The following KCNIP1 variants were observed in gnomAD, a reference collection of about 807,000 sequenced individuals.
The protein encoded by KCNIP1 is potassium voltage-gated channel interacting protein 1.
KCNIP1 carries 18 observed loss-of-function variants against 33.0 expected under a neutral mutation model. That is an observed-to-expected ratio of 0.55 (90% CI 0.38 to 0.81). The LOEUF (loss-of-function observed/expected upper bound fraction) is 0.81, where lower values mean the gene tolerates loss of function less well. KCNIP1 is among the 30% of genes least tolerant of loss of function. The pLI, the probability that KCNIP1 is intolerant of heterozygous loss-of-function variation, is 0.00. For missense variants in KCNIP1, 238 were observed against 271.6 expected (o/e 0.88, Z 0.87); for synonymous variants, 93 against 98.3 (o/e 0.95, Z 0.32).
chr5:170,547,137 T>C lies in KCNIP1; in HGVS notation c.61+42504T>C, dbSNP rs182745246. On this transcript the variant is annotated intron_variant, in intron 1 of 7. Transcript: ENST00000328939. ...GACAGATGTTAGCCTAATTGCTATT[T>C]ATTTGTAGATGGTCTAACTTTTCTC... is the stretch of plus-strand genomic sequence containing the variant. 1.6e-3 allele frequency among the ~76,000 whole-genome samples: 242 copies of C among 152,342 alleles called. 1 individual carries two copies. Among genetic ancestry groups the C allele is most frequent in the African/African-American group, 5.5e-3 (227 of 41,584 alleles).
At chr5:170,638,539 T>C (rs1354875475) in intron 1 of KCNIP1, among the ~76,000 whole-genome samples, 2 of 152,200 alleles carry the variant, frequency 1.3e-5, no homozygotes, top group Admixed American at 1.3e-4. Flanking sequence ...CCATTCTGAG[T>C]GGCAGTCTCT....
intron 1 of KCNIP1, among the ~76,000 whole-genome samples, chr5:170,491,241 A>G (rs958622696): frequency 2.6e-5 from 4 of 152,248 alleles, no homozygotes; most frequent in Non-Finnish European, 2.9e-5. Flanking sequence ...TGCAGTGAAT[A>G]TCAATGGTAG....
At chr5:170,607,456 C>A (rs1385080164) in intron 1 of KCNIP1, among the ~76,000 whole-genome samples, 4 of 152,188 alleles carry the variant, frequency 2.6e-5, no homozygotes, top group African/African-American at 4.8e-5. Context: ...GCCTTTCCTA[C>A]TTCTACAGTG....
chr5:170,451,410 T>C (rs1756248138), intron 1 of KCNIP1, among the ~76,000 whole-genome samples: 1 of 152,086 alleles, frequency 6.6e-6, no homozygotes, highest in African/African-American at 2.4e-5. Context: ...CCCATCCTTT[T>C]GTAAGTTCTT....
Position 170,728,178 on chromosome 5 carries a change from A to G in KCNIP1, c.436-4622A>G, listed in dbSNP as rs1764071844. ...ATACTTCTTCAGCATAATAGAAAAT[A>G]CCCCAGCCTGGTACACAGCTTCATA... On this transcript the variant is annotated intron_variant, in intron 5 of 7. Transcript: ENST00000328939. Among the ~76,000 whole-genome samples, 3 of 152,322 alleles carry G rather than the reference A, an allele frequency of 2.0e-5. No homozygotes were observed. In the South Asian group the frequency reaches 6.2e-4, roughly 32 times the overall value.
At chr5:170,514,660 T>G (rs1755059747) in intron 1 of KCNIP1, among the ~76,000 whole-genome samples, 1 of 152,250 alleles carries the variant, frequency 6.6e-6, no homozygotes, top group African/African-American at 2.4e-5. Context: ...TGAAATAAAA[T>G]GTGCTTTCAA....
chr5:170,459,724 C>A (rs1451596856), intron 1 of KCNIP1, among the ~76,000 whole-genome samples: 1 of 152,090 alleles, frequency 6.6e-6, no homozygotes, highest in African/African-American at 2.4e-5. Context: ...CCCTAAAGGC[C>A]TACATTGAAA....
At chr5:170,708,886 G>A (rs974672367) in intron 1 of KCNIP1, among the ~76,000 whole-genome samples, 1 of 152,118 alleles carries the variant, frequency 6.6e-6, no homozygotes, top group Non-Finnish European at 1.5e-5. Flanking sequence ...ATGACATAGC[G>A]AGACCCTGTC....
intron 1 of KCNIP1, chr5:170,680,931 G>A: frequency 2.5e-6 from 1 of 397,466 alleles, no homozygotes; most frequent in East Asian, 3.6e-5. Flanking sequence ...AAGGAAGGGA[G>A]GGAGGCAGAA....
chr5:170,590,419 G>T (rs1364474116), intron 1 of KCNIP1, among the ~76,000 whole-genome samples: 1 of 152,114 alleles, frequency 6.6e-6, no homozygotes, highest in Admixed American at 6.5e-5. Flanking sequence ...GAGTCTGGAG[G>T]TGGAAATGAG....
chr5:170,370,684 T>A (rs1275024478), intron 1 of KCNIP1, among the ~76,000 whole-genome samples: 1 of 152,188 alleles, frequency 6.6e-6, no homozygotes, highest in African/African-American at 2.4e-5. Flanking sequence ...TTTGCTCCCA[T>A]CTGTCCCTCA....
intron 1 of KCNIP1, chr5:170,389,723 G>A (rs1275357426): frequency 6.6e-6 from 1 of 152,232 alleles, no homozygotes; most frequent in Non-Finnish European, 1.5e-5. Context: ...GGAGGGGTTG[G>A]GCTTGTCACT....
At chr5:170,388,197 A>C (rs1764564196) in intron 1 of KCNIP1, among the ~76,000 whole-genome samples, 1 of 152,242 alleles carries the variant, frequency 6.6e-6, no homozygotes, top group African/African-American at 2.4e-5. Flanking sequence ...AACTTGGCTT[A>C]TTCAGGTCTG....
intron 1 of KCNIP1, among the ~76,000 whole-genome samples, chr5:170,465,544 C>T (rs1201963989): frequency 3.3e-5 from 5 of 152,060 alleles, no homozygotes; most frequent in African/African-American, 9.7e-5. Context: ...TAGGTTCTGA[C>T]GACACTGAAG....
chr5:170,549,719 G>A (rs947848107), intron 1 of KCNIP1, among the ~76,000 whole-genome samples: 4 of 152,174 alleles, frequency 2.6e-5, no homozygotes, highest in Non-Finnish European at 5.9e-5. Context: ...GGAAACTCAC[G>A]AAGTATATTA....
At chr5:170,440,162 C>G (rs1306078006) in intron 1 of KCNIP1, among the ~76,000 whole-genome samples, 1 of 152,218 alleles carries the variant, frequency 6.6e-6, no homozygotes, top group Non-Finnish European at 1.5e-5. Flanking sequence ...GCGGCGTCTG[C>G]AAACCAAGGA....
chr5:170,412,048 G>A (rs939807468), intron 1 of KCNIP1, among the ~76,000 whole-genome samples: 2 of 152,150 alleles, frequency 1.3e-5, no homozygotes, highest in African/African-American at 2.4e-5. Flanking sequence ...AGCAAGTGAC[G>A]GTGCATGCTG....
At chr5:170,396,794 T>C (rs551203958) in intron 1 of KCNIP1, among the ~76,000 whole-genome samples, 2 of 152,316 alleles carry the variant, frequency 1.3e-5, no homozygotes, top group South Asian at 4.1e-4. Flanking sequence ...ATGATAAATG[T>C]CTCTTACCAG....
chr5:170,453,605 T>G (rs1284920949), intron 1 of KCNIP1, among the ~76,000 whole-genome samples: 1 of 152,212 alleles, frequency 6.6e-6, no homozygotes, highest in Non-Finnish European at 1.5e-5. Flanking sequence ...AACCTCCACT[T>G]GAAGGTAGAT....
Sources: gnomAD v4.1 joint callset for allele counts (sites outside exome capture counted in the v4.1 genomes callset) on GRCh38, gnomAD v4.1.1 for gene constraint, MANE v1.5 for transcripts, NCBI Gene and HGNC (gene_info 2026-07-23, HGNC 2026-07-21) for gene names.